Variants in PLAGL1 observed in about 807,000 individuals in gnomAD.
The protein encoded by PLAGL1 is PLAG1 like zinc finger 1, also known as zinc finger protein PLAGL1.
A neutral mutation model predicts 4.6 loss-of-function variants in PLAGL1; 1 was observed. That is an observed-to-expected ratio of 0.22 (90% CI 0.08 to 1.03). The LOEUF (loss-of-function observed/expected upper bound fraction) is 1.03. Ranked by LOEUF, PLAGL1 falls within the 50% of genes least tolerant of loss-of-function variation. The probability of loss-of-function intolerance (pLI) is 0.58; values close to 1 mark genes in which losing one functional copy is unlikely to be tolerated. For missense variants in PLAGL1, 464 were observed against 570.4 expected, an observed-to-expected ratio of 0.81 and a Z score of 1.90; for synonymous variants, 240 against 237.8, an observed-to-expected ratio of 1.01 and a Z score of -0.08.
At chr6:143,981,103 A>T (rs2128606439) in intron 2 of PLAGL1, among the ~76,000 whole-genome samples, 2 of 152,268 alleles carry the variant, frequency 1.3e-5, no homozygotes, top group Non-Finnish European at 2.9e-5. Context: ...CAGTTTTATG[A>T]CCTGTCTTGA....
At position 144,046,127 on chromosome 6, in the gene PLAGL1, A is replaced by T. The variant is rs116222782; in HGVS notation, c.-151+18341T>A. ...TCTGGCTTCCTTGCAATGGGTTTGA[A>T]CATCCTCCTTCAGCTCAGAGAAGTT... On this transcript the variant is annotated intron_variant, in intron 1 of 3. Coordinates refer to the PLAGL1 transcript ENST00000437412. Among the ~76,000 whole-genome samples the T allele has an allele frequency of 8.1e-3, 1,237 of 152,220 alleles. 23 individuals carry two copies. The highest frequency in any genetic ancestry group is 0.029 in the African/African-American group (1,197 of 41,514).
rs574268171 is a variant in PLAGL1, at chr6:143,947,300, C to T, written c.152+685G>A. Among the ~76,000 whole-genome samples the T allele has an allele frequency of 1.1e-4, 17 of 152,314 alleles. No individual in the cohort carries two copies. In the South Asian group the frequency reaches 2.9e-3, roughly 26 times the overall value. On this transcript the variant is annotated intron_variant, in intron 7 of 7. Coordinates refer to ENST00000674357, the MANE Select transcript of PLAGL1 (RefSeq NM_001317162.2). This position sits in a 1 kb window ranked among gnomAD's most constrained non-coding sequence, Gnocchi z 4.3. ...TACTCTCAGGACCTGGATCAGCCCC[C>T]ACATTTCATCCCTGGACTCTGAGAG...
chr6:143,956,964 G>T (rs190060532), intron 6 of PLAGL1, among the ~76,000 whole-genome samples: 1 of 152,214 alleles, frequency 6.6e-6, no homozygotes, highest in Non-Finnish European at 1.5e-5. Flanking sequence ...CATATAGCAC[G>T]GAAGCAAGGG....
At chr6:144,058,987 C>T (rs958208407) in intron 1 of PLAGL1, among the ~76,000 whole-genome samples, 97 of 152,324 alleles carry the variant, frequency 6.4e-4, no homozygotes, top group African/African-American at 2.3e-3. Context: ...CTAGGTAGTG[C>T]CCTGGGGGTA....
Position 143,954,236 on chromosome 6 carries a change from T to C in PLAGL1, c.-324-5776A>G, listed in dbSNP as rs1781646019. 1.3e-5 allele frequency among the ~76,000 whole-genome samples: 2 copies of C among 151,566 alleles called. No homozygotes were observed. The highest frequency in any genetic ancestry group is 6.6e-5 in the Admixed American group (1 of 15,224). On this transcript the variant is annotated intron_variant, in intron 6 of 7. Coordinates refer to ENST00000674357, the MANE Select transcript of PLAGL1 (RefSeq NM_001317162.2). The surrounding 1 kb of genome is among the most constrained non-coding windows in gnomAD (Gnocchi z 5.1). ...GACTCACAAATTAGTAGGCCAAGGA[T>C]CACCAGAAATCAGAGGAAGGCACTT... is the stretch of plus-strand genomic sequence containing the variant.
Position 143,997,793 on chromosome 6 carries a change from G to T in PLAGL1, c.-584+10297C>A, listed in dbSNP as rs1291447363. 6.9e-6 allele frequency among the ~76,000 whole-genome samples: 1 copy of T among 144,944 alleles called. No homozygotes were observed. The highest frequency in any genetic ancestry group is 1.5e-5 in the Non-Finnish European group (1 of 67,970). On this transcript the variant is annotated intron_variant, in intron 1 of 7. Transcript: ENST00000674357. The surrounding 1 kb of genome is among the most constrained non-coding windows in gnomAD (Gnocchi z 4.6). ...GGTGTTGACCAGGAGGTAAATGAGAGAATTTTATCCTCGATGGATGTAATA... is the reference window on the plus strand; with the variant it reads ...GGTGTTGACCAGGAGGTAAATGAGATAATTTTATCCTCGATGGATGTAATA...
At chr6:143,967,925 G>C (rs1035670957) in intron 3 of PLAGL1, 25 of 134,284 alleles carry the variant, frequency 1.9e-4, no homozygotes, top group African/African-American at 7.0e-4. Context: ...TGTAAGATGG[G>C]ATATAAGAAA....
chr6:143,955,436 CTATT>C lies in PLAGL1; in HGVS notation c.-325+5029_-325+5032del, dbSNP rs141118448. 1.6e-3 allele frequency among the ~76,000 whole-genome samples: 250 copies of C among 152,194 alleles called. 2 individuals are homozygous for C. The highest frequency in any genetic ancestry group is 5.5e-3 in the African/African-American group (227 of 41,516). On this transcript the variant is annotated intron_variant, in intron 6 of 7. Coordinates refer to ENST00000674357, the MANE Select transcript of PLAGL1 (RefSeq NM_001317162.2). The surrounding 1 kb of genome is among the most constrained non-coding windows in gnomAD (Gnocchi z 4.9). ...CATAAATTGTTTTTAGCAGATTGAT[CTATT>C]TAGTCAAGTCCAGCCACAAACTCTT...
chr6:144,048,030 A>G lies in PLAGL1; in HGVS notation c.-151+16438T>C, dbSNP rs1798290751. Among the ~76,000 whole-genome samples, 1 of 152,182 alleles carries G rather than the reference A, an allele frequency of 6.6e-6. No homozygotes were observed. The highest frequency in any genetic ancestry group is 6.5e-5 in the Admixed American group (1 of 15,286). On this transcript the variant is annotated intron_variant, in intron 1 of 3. Coordinates refer to the PLAGL1 transcript ENST00000437412. The surrounding 1 kb of genome is among the most constrained non-coding windows in gnomAD (Gnocchi z 4.8). ...CAAATGGGAGAAATTGGTCAAAACA[A>G]AAGGGCTACAGGCTCCATGCAAGTC...
At chr6:143,992,838 T>C (rs141529496) in intron 1 of PLAGL1, among the ~76,000 whole-genome samples, 10,689 of 150,700 alleles carry the variant, frequency 0.071, 515 homozygotes, top group East Asian at 0.19. Flanking sequence ...ATTAGCTGGG[T>C]GTGGTGGCGC....
intron 1 of PLAGL1, among the ~76,000 whole-genome samples, chr6:143,993,426 A>T (rs1790971000): frequency 6.6e-6 from 1 of 152,002 alleles, no homozygotes; most frequent in South Asian, 2.1e-4. Context: ...TTCAAGAAAG[A>T]GCTGAGCTTA....
chr6:144,015,151 T>C lies in PLAGL1; in HGVS notation c.-150-46173A>G, dbSNP rs1307286087. On this transcript the variant is annotated intron_variant, in intron 1 of 3. Transcript: ENST00000437412. This position sits in a 1 kb window ranked among gnomAD's most constrained non-coding sequence, Gnocchi z 4.3. The stretch of plus-strand genomic sequence containing the variant: ...TGAAATGTGCTACAAGTGTAAAATA[T>C]ACTCTGGCTTTCAAAGACTTGGGAT... 6.6e-6 allele frequency among the ~76,000 whole-genome samples: 1 copy of C among 152,188 alleles called. No individual in the cohort carries two copies. Among genetic ancestry groups the C allele is most frequent in the South Asian group, 2.1e-4 (1 of 4,832 alleles).
rs906153205 is a variant in PLAGL1 at position 143,949,367 on chromosome 6, T to C, written c.-324-907A>G. Among the ~76,000 whole-genome samples the C allele has an allele frequency of 6.6e-6, 1 of 152,246 alleles. No homozygotes were observed. The highest frequency in any genetic ancestry group is 1.5e-5 in the Non-Finnish European group (1 of 68,032). On this transcript the variant is annotated intron_variant, in intron 6 of 7. Transcript: ENST00000674357. The surrounding 1 kb of genome is among the most constrained non-coding windows in gnomAD (Gnocchi z 5.3). ...CATCATTGGAGGAACCTGAAGTGTC[T>C]GAGCCTGCATCATGAACAATACTCC...
At chr6:143,943,148 G>A (rs1239765813) in intron 7 of PLAGL1, among the ~76,000 whole-genome samples, 2 of 150,202 alleles carry the variant, frequency 1.3e-5, no homozygotes, top group African/African-American at 4.9e-5. Flanking sequence ...ACAGACAAGA[G>A]TCACCGTGCC....
chr6:144,016,954 T>C lies in PLAGL1; in HGVS notation c.-151+47514A>G, dbSNP rs184385936. Among the ~76,000 whole-genome samples, 82 of 152,294 alleles carry C rather than the reference T, an allele frequency of 5.4e-4. No individual in the cohort carries two copies. The highest frequency in any genetic ancestry group is 1.9e-3 in the African/African-American group (81 of 41,562). The stretch of plus-strand genomic sequence containing the variant: ...GTTTTCTAACCTGTGAGGGTGTCAG[T>C]GGCAGAGGTGAAACCTGACCTAGAG... On this transcript the variant is annotated intron_variant, in intron 1 of 3. Transcript: ENST00000437412. The surrounding 1 kb of genome is among the most constrained non-coding windows in gnomAD (Gnocchi z 4.2).
At chr6:144,041,222 A>G (rs59176596) in intron 1 of PLAGL1, among the ~76,000 whole-genome samples, 19,011 of 152,106 alleles carry the variant, frequency 0.12, 1,344 homozygotes, top group Admixed American at 0.24. Context: ...TAGGGTACAT[A>G]TGCACAACAT....
In PLAGL1 at chr6:144,035,794, T is replaced by A. The variant is rs183228087; in HGVS notation, c.-151+28674A>T. On this transcript the variant is annotated intron_variant, in intron 1 of 3. Transcript: ENST00000437412. ...CTCTAGATATGATACCTCATTTTTT[T>A]AATATGTGTAATGTAGATCATTACT... Among the ~76,000 whole-genome samples the A allele has an allele frequency of 6.0e-3, 918 of 152,334 alleles. 7 individuals are homozygous for A. Among genetic ancestry groups the A allele is most frequent in the African/African-American group, 0.017 (722 of 41,580 alleles).
At position 144,004,491 on chromosome 6, in the gene PLAGL1, G is replaced by C. The variant is rs1467327003; in HGVS notation, c.-584+3599C>G. Among the ~76,000 whole-genome samples the C allele has an allele frequency of 6.6e-6, 1 of 152,152 alleles. No individual in the cohort carries two copies. ...ATGGATGAATACAATGTGAACAAAA[G>C]AATAAACTGTATGACTCCGTTTATA... On this transcript the variant is annotated intron_variant, in intron 1 of 7. Coordinates refer to ENST00000674357, the MANE Select transcript of PLAGL1 (RefSeq NM_001317162.2). This position sits in a 1 kb window ranked among gnomAD's most constrained non-coding sequence, Gnocchi z 4.2.
intron 1 of PLAGL1, among the ~76,000 whole-genome samples, chr6:144,051,885 C>A (rs571717856): frequency 6.6e-6 from 1 of 152,182 alleles, no homozygotes; most frequent in African/African-American, 2.4e-5. Context: ...GTTACTCCCA[C>A]GACATGTGGG....
Sources: allele counts gnomAD v4.1 joint callset (sites outside exome capture counted in the v4.1 genomes callset), GRCh38; gene constraint gnomAD v4.1.1; non-coding constraint Gnocchi (gnomAD v3.1); transcripts MANE v1.5; gene names NCBI Gene and HGNC (gene_info 2026-07-23, HGNC 2026-07-21).